Variants in CCDC91 observed in about 807,000 individuals in gnomAD.
CCDC91 encodes coiled-coil domain containing 91.
In CCDC91, 48 loss-of-function variants were observed where a neutral mutation model predicts 63.2. The ratio of observed to expected loss-of-function variants is 0.76; its 90% CI spans 0.60 to 0.97. The LOEUF (loss-of-function observed/expected upper bound fraction) is 0.97, where lower values mean the gene tolerates loss of function less well. CCDC91 is among the 50% of genes least tolerant of loss of function. The pLI, the probability that CCDC91 is intolerant of heterozygous loss-of-function variation, is 0.00. For missense variants in CCDC91, 500 were observed against 494.6 expected, an observed-to-expected ratio of 1.01 and a Z score of -0.10; for synonymous variants, 167 against 165.8, an observed-to-expected ratio of 1.01 and a Z score of -0.06.
rs553527596 is a variant in CCDC91 at position 28,271,017 on chromosome 12, G to C, written c.109+11575G>C. 2.0e-4 allele frequency among the ~76,000 whole-genome samples: 30 copies of C among 152,042 alleles called. No individual in the cohort carries two copies. The South Asian group carries it at 6.0e-3, about 30-fold the overall frequency. ...CAGATTCTTACTTAATTATGACTAGGATACACTTTTAAGGGGAGATATGGA... is the reference window on the plus strand; with the variant it reads ...CAGATTCTTACTTAATTATGACTAGCATACACTTTTAAGGGGAGATATGGA... On this transcript the variant is annotated intron_variant, in intron 3 of 12. Coordinates refer to ENST00000536442, the MANE Select transcript of CCDC91 (RefSeq NM_018318.5).
At chr12:28,303,470 T>C (rs1243576565) in intron 3 of CCDC91, among the ~76,000 whole-genome samples, 1 of 152,246 alleles carries the variant, frequency 6.6e-6, no homozygotes, top group East Asian at 1.9e-4. Context: ...CATTTAATGT[T>C]ACAGGATGAG....
At position 28,527,512 on chromosome 12, in the gene CCDC91, G is replaced by T. The variant is rs1446813186; in HGVS notation, c.1216-21551G>T. On this transcript the variant is annotated intron_variant, in intron 12 of 12. Transcript: ENST00000536442. ...ACCTGCTCGGGTGGCAGTGGCAGGG[G>T]AGTGAAATGGACTCTGAGTGTTCTT... Among the ~76,000 whole-genome samples the T allele has an allele frequency of 2.0e-5, 3 of 152,346 alleles. No homozygotes were observed. In the East Asian group the frequency reaches 5.8e-4, roughly 29 times the overall value.
At chr12:28,462,012 CAA>C in intron 11 of CCDC91, among the ~76,000 whole-genome samples, 1 of 150,882 alleles carries the variant, frequency 6.6e-6, no homozygotes, top group East Asian at 1.9e-4. Context: ...AACTGTGTAT[CAA>C]GAGAGGGTGC....
intron 3 of CCDC91, among the ~76,000 whole-genome samples, chr12:28,260,268 G>A (rs956476114): frequency 1.3e-5 from 2 of 151,956 alleles, no homozygotes; most frequent in Admixed American, 6.6e-5. Flanking sequence ...TCTGAGTCAA[G>A]TAGTAACCTG....
intron 1 of CCDC91, chr12:28,199,038 C>G (rs1418097600): frequency 6.6e-6 from 1 of 151,906 alleles, no homozygotes; most frequent in African/African-American, 2.4e-5. Flanking sequence ...CTGAGCCTCC[C>G]TAGTAGCTAG....
chr12:28,269,514 T>G (rs1254318754), intron 3 of CCDC91, among the ~76,000 whole-genome samples: 3 of 152,102 alleles, frequency 2.0e-5, no homozygotes, highest in Non-Finnish European at 4.4e-5. Flanking sequence ...AGCACCTTTT[T>G]TTCCTGCATC....
At chr12:28,494,406 C>T (rs1952174116) in intron 12 of CCDC91, among the ~76,000 whole-genome samples, 1 of 151,718 alleles carries the variant, frequency 6.6e-6, no homozygotes, top group Non-Finnish European at 1.5e-5. Context: ...TTCTTAGTAG[C>T]AGGAGGTACA....
At chr12:28,329,446 T>C (rs1200452915) in intron 6 of CCDC91, among the ~76,000 whole-genome samples, 1 of 152,120 alleles carries the variant, frequency 6.6e-6, no homozygotes, top group Admixed American at 6.6e-5. Context: ...ATAAACTCTC[T>C]TGTGCATATA....
chr12:28,282,248 A>G (rs1948654946), intron 3 of CCDC91, among the ~76,000 whole-genome samples: 1 of 152,120 alleles, frequency 6.6e-6, no homozygotes, highest in South Asian at 2.1e-4. Context: ...TCTAATTAAG[A>G]TGATTTAAGG....
At chr12:28,467,701 A>G (rs1950612049) in intron 11 of CCDC91, among the ~76,000 whole-genome samples, 1 of 152,114 alleles carries the variant, frequency 6.6e-6, no homozygotes, top group Non-Finnish European at 1.5e-5. Context: ...GATAGACCAT[A>G]TTTAAAAAGT....
intron 6 of CCDC91, among the ~76,000 whole-genome samples, chr12:28,322,644 AAC>A (rs1488896184): frequency 6.6e-6 from 1 of 151,752 alleles, no homozygotes; most frequent in Non-Finnish European, 1.5e-5. Flanking sequence ...TTTTTCTTAA[AAC>A]ACATAATTTT....
intron 8 of CCDC91, among the ~76,000 whole-genome samples, chr12:28,445,144 G>A (rs1302086008): frequency 6.6e-6 from 1 of 152,060 alleles, no homozygotes; most frequent in Non-Finnish European, 1.5e-5. Flanking sequence ...TACTGTTTTA[G>A]GAACTAATAT....
intron 12 of CCDC91, among the ~76,000 whole-genome samples, chr12:28,530,126 G>A (rs932934070): frequency 6.6e-6 from 1 of 152,162 alleles, no homozygotes; most frequent in Non-Finnish European, 1.5e-5. Context: ...TTAATATGGG[G>A]CTGAACTTTA....
chr12:28,503,136 A>G (rs1387733020), intron 12 of CCDC91, among the ~76,000 whole-genome samples: 1 of 152,080 alleles, frequency 6.6e-6, no homozygotes, highest in Non-Finnish European at 1.5e-5. Flanking sequence ...TACCATCAGA[A>G]TGAACAGGCA....
chr12:28,200,731 C>G (rs924591661), intron 1 of CCDC91, among the ~76,000 whole-genome samples: 4 of 151,678 alleles, frequency 2.6e-5, no homozygotes, highest in Admixed American at 2.0e-4. Context: ...ACCTTTCCCC[C>G]CTTTCTATTC....
chr12:28,368,470 G>A (rs1356398505), intron 7 of CCDC91, among the ~76,000 whole-genome samples: 9 of 152,062 alleles, frequency 5.9e-5, no homozygotes, highest in Admixed American at 5.9e-4. Context: ...TGGGGTAGAT[G>A]GTTTATAGTG....
At chr12:28,400,775 G>T (rs1946572397) in intron 8 of CCDC91, among the ~76,000 whole-genome samples, 1 of 152,048 alleles carries the variant, frequency 6.6e-6, no homozygotes, top group African/African-American at 2.4e-5. Context: ...AATCTCTAGG[G>T]CAGGGACAAA....
chr12:28,477,209 C>T lies in CCDC91; in HGVS notation c.1102-6843C>T, dbSNP rs138262246. ...CCAATATCCCTGATGAACATGGATGCAAAAGTCCTCAATAAAATACTGGCA... is the reference window on the plus strand; with the variant it reads ...CCAATATCCCTGATGAACATGGATGTAAAAGTCCTCAATAAAATACTGGCA... On this transcript the variant is annotated intron_variant, in intron 11 of 12. Transcript: ENST00000536442. Among the ~76,000 whole-genome samples, 59 of 152,174 alleles carry T rather than the reference C, an allele frequency of 3.9e-4. No individual in the cohort carries two copies. In the East Asian group the frequency reaches 0.011, roughly 29 times the overall value.
chr12:28,396,807 G>A (rs989276934), intron 8 of CCDC91, among the ~76,000 whole-genome samples: 1 of 151,968 alleles, frequency 6.6e-6, no homozygotes, highest in Non-Finnish European at 1.5e-5. Flanking sequence ...ACTGAAATAG[G>A]CAACTTAAGA....
Sources: allele counts gnomAD v4.1 joint callset (sites outside exome capture counted in the v4.1 genomes callset), GRCh38; gene constraint gnomAD v4.1.1; transcripts MANE v1.5; gene names NCBI Gene and HGNC (gene_info 2026-07-23, HGNC 2026-07-21).